Variants in DAPK1 observed in about 807,000 individuals in gnomAD.
DAPK1 encodes the protein death associated protein kinase 1.
Under a neutral mutation model 144.9 loss-of-function variants are expected in DAPK1, and 56 were observed. The ratio of observed to expected loss-of-function variants is 0.39; its 90% CI spans 0.31 to 0.48. DAPK1 has a LOEUF of 0.48. Among genes scored for constraint, DAPK1 ranks in the 20% least tolerant of loss-of-function variants. The pLI, the probability that DAPK1 is intolerant of heterozygous loss-of-function variation, is 0.95. For missense variants in DAPK1, 1,454 were observed against 1,875.4 expected, an observed-to-expected ratio of 0.78 and a Z score of 4.15; for synonymous variants, 690 against 749.0, an observed-to-expected ratio of 0.92 and a Z score of 1.29.
At position 87,707,796 on chromosome 9, in the gene DAPK1, T is replaced by C. The variant is rs1825695302; in HGVS notation, c.*432T>C. On this transcript the variant is annotated 3_prime_UTR_variant, in exon 26 of 26. Transcript: ENST00000408954. The surrounding 1 kb of genome is among the most constrained non-coding windows in gnomAD (Gnocchi z 4.0). The stretch of plus-strand genomic sequence containing the variant: ...TGTGTATTTCTTATACGCTTTTCTT[T>C]GTTATACCATTTCCTCAGCTTATCT... The C allele has an allele frequency of 2.2e-6, 1 of 456,110 alleles. No homozygotes were observed. Among genetic ancestry groups the C allele is most frequent in the Non-Finnish European group, 4.4e-6 (1 of 227,826 alleles). 28.3% of individuals were successfully genotyped at this position (456,110 alleles called of 1,614,324 possible).
intron 3 of DAPK1, among the ~76,000 whole-genome samples, chr9:87,618,936 C>T (rs1357633997): frequency 6.6e-6 from 1 of 152,176 alleles, no homozygotes; most frequent in East Asian, 1.9e-4. Context: ...AAGATTTAAT[C>T]TTGGATGACT....
intron 7 of DAPK1, among the ~76,000 whole-genome samples, chr9:87,640,054 T>C (rs1830042717): frequency 6.6e-6 from 1 of 152,234 alleles, no homozygotes; most frequent in Non-Finnish European, 1.5e-5. Flanking sequence ...TGTCCATCAC[T>C]GCCGAGAAAA....
chr9:87,679,576 T>C (rs1351214027), intron 19 of DAPK1, among the ~76,000 whole-genome samples: 1 of 152,162 alleles, frequency 6.6e-6, no homozygotes, highest in African/African-American at 2.4e-5. Flanking sequence ...AAGCTCTTAC[T>C]TGGTATTAGA....
chr9:87,510,186 A>G (rs901850861), intron 2 of DAPK1, among the ~76,000 whole-genome samples: 1 of 152,194 alleles, frequency 6.6e-6, no homozygotes, highest in Non-Finnish European at 1.5e-5. Flanking sequence ...GGAAGAGATA[A>G]CGCTTGACAC....
intron 2 of DAPK1, among the ~76,000 whole-genome samples, chr9:87,571,461 A>ACCCC: frequency 1.6e-5 from 1 of 63,476 alleles, no homozygotes; most frequent in African/African-American, 8.4e-5. Flanking sequence ...ACACACACAC[A>ACCCC]CACACACACA....
intron 3 of DAPK1, among the ~76,000 whole-genome samples, chr9:87,607,163 C>T (rs1485916658): frequency 1.3e-5 from 2 of 152,058 alleles, no homozygotes; most frequent in Non-Finnish European, 1.5e-5. Context: ...AAGGACAAAT[C>T]ATGGTGTAAT....
At chr9:87,589,381 C>G (rs567566957) in intron 2 of DAPK1, among the ~76,000 whole-genome samples, 1 of 152,202 alleles carries the variant, frequency 6.6e-6, no homozygotes, top group South Asian at 2.1e-4. Flanking sequence ...TGCTTGTCCT[C>G]CCTTGACTGT....
At chr9:87,551,413 T>C (rs1177126989) in intron 2 of DAPK1, among the ~76,000 whole-genome samples, 1 of 152,192 alleles carries the variant, frequency 6.6e-6, no homozygotes, top group African/African-American at 2.4e-5. Context: ...CCCAAAGTGC[T>C]GGGATTACAG....
At chr9:87,675,130 A>G (rs546495650) in intron 19 of DAPK1, among the ~76,000 whole-genome samples, 65 of 152,294 alleles carry the variant, frequency 4.3e-4, no homozygotes, top group African/African-American at 1.5e-3. Context: ...AGACACAGCT[A>G]CACACTCTTG....
intron 21 of DAPK1, among the ~76,000 whole-genome samples, chr9:87,689,913 A>G (rs1424393271): frequency 1.3e-5 from 2 of 152,194 alleles, no homozygotes; most frequent in African/African-American, 4.8e-5. Context: ...ATAGCCTTGC[A>G]GTGTATTTTG....
chr9:87,604,776 G>A (rs1828652415), intron 2 of DAPK1, among the ~76,000 whole-genome samples, 178 bp from the exon 3 acceptor site: 1 of 152,152 alleles, frequency 6.6e-6, no homozygotes, highest in Non-Finnish European at 1.5e-5. Flanking sequence ...TATTTATAAA[G>A]AAACAGGCTT....
chr9:87,540,183 CTTTTT>C lies in DAPK1; in HGVS notation c.62+41064_62+41068del, dbSNP rs33925780. Among the ~76,000 whole-genome samples the C allele has an allele frequency of 7.2e-3, 480 of 66,214 alleles. 1 individual carries two copies. Among genetic ancestry groups the C allele is most frequent in the African/African-American group, 0.026 (448 of 17,222 alleles). The allele number at this position is 66,214 out of a possible 152,430, so 43.4% of individuals were successfully genotyped here. A position where few individuals can be genotyped will look rare whatever the true frequency, so the allele number is the denominator to read the frequency against. On this transcript the variant is annotated intron_variant, in intron 2 of 25. Coordinates refer to ENST00000408954, the MANE Select transcript of DAPK1 (RefSeq NM_004938.4). Reference sequence around the variant, plus strand: ...TATTGCTAATTATTGTTGTTAATCTCTTTTTTTTTTTTTTTTTTTTTTTTGAGACA... The same window carrying C: ...TATTGCTAATTATTGTTGTTAATCTCTTTTTTTTTTTTTTTTTTTGAGACA...
chr9:87,668,315 T>C (rs970419348), intron 18 of DAPK1: 2 of 412,076 alleles, frequency 4.9e-6, no homozygotes, highest in African/African-American at 2.0e-5. Context: ...CTGAGGAGGC[T>C]GTTGAGTTGT....
chr9:87,588,273 C>G (rs531112501), intron 2 of DAPK1, among the ~76,000 whole-genome samples: 2 of 152,330 alleles, frequency 1.3e-5, no homozygotes, highest in Non-Finnish European at 1.5e-5. Context: ...TCCTTCCTTT[C>G]CATTCCCTAT....
At position 87,648,878 on chromosome 9, in the gene DAPK1, A is replaced by G; in HGVS notation, c.1427A>G (p.Lys476Arg). 6.2e-7 allele frequency: 1 copy of G among 1,613,864 alleles called. No homozygotes were observed. The highest frequency in any genetic ancestry group is 8.5e-7 in the Non-Finnish European group (1 of 1,179,692). The change falls in exon 15 of 26, where the codon AAG (lysine) becomes AGG (arginine). Residue 476 changes from lysine to arginine, a missense_variant and splice_region_variant. Around this residue, in one of 2 missense-constraint regions of DAPK1, gnomAD observed 429 missense variants for 637.5 expected, o/e 0.67. Transcript: ENST00000408954. ...SFGSNPNIQD[K>R]EEETPLHCAA... ...GGCTCAAATCCCAATATCCAGGACA[A>G]GGTGGGTCGTGACTGACATCCTCCC...
At chr9:87,509,866 G>A (rs1389720921) in intron 2 of DAPK1, among the ~76,000 whole-genome samples, 1 of 152,224 alleles carries the variant, frequency 6.6e-6, no homozygotes, top group Non-Finnish European at 1.5e-5. Context: ...AGCACATGGA[G>A]GAGGCCTCTT....
At chr9:87,575,241 TAAAA>T (rs959655592) in intron 2 of DAPK1, among the ~76,000 whole-genome samples, 2 of 76,320 alleles carry the variant, frequency 2.6e-5, no homozygotes, top group African/African-American at 1.0e-4. Context: ...TAAAATAAAA[TAAAA>T]TAAAATAAAA....
intron 2 of DAPK1, among the ~76,000 whole-genome samples, chr9:87,563,923 T>C (rs7855593): frequency 0.05 from 7,575 of 152,286 alleles, 583 homozygotes; most frequent in African/African-American, 0.17. Flanking sequence ...TCCCTGCTCA[T>C]GCCCTCTGTG....
chr9:87,646,044 G>T (rs558251843), intron 12 of DAPK1, 30 bp downstream of exon 12: 1 of 1,604,520 alleles, frequency 6.2e-7, no homozygotes, highest in Admixed American at 1.7e-5. Context: ...CATACTGGAG[G>T]GGTGGGTCAC....
Sources: gnomAD v4.1 joint callset for allele counts (sites outside exome capture counted in the v4.1 genomes callset) on GRCh38, gnomAD v4.1.1 for gene constraint, gnomAD v4.1.1 regional missense constraint, Gnocchi (gnomAD v3.1) non-coding constraint, MANE v1.5 for transcripts, NCBI Gene and HGNC (gene_info 2026-07-23, HGNC 2026-07-21) for gene names.